COLEC12: variants seen among roughly 807,000 people sequenced by gnomAD.
COLEC12 encodes collectin-12.
Under a neutral mutation model 71.1 loss-of-function variants are expected in COLEC12, and 33 were observed. The ratio of observed to expected loss-of-function variants is 0.46; its 90% CI spans 0.35 to 0.62. The LOEUF (loss-of-function observed/expected upper bound fraction) is 0.62. Among genes scored for constraint, COLEC12 ranks in the 20% least tolerant of loss-of-function variants. COLEC12 has a pLI of 0.00. For synonymous variants in COLEC12, 350 were observed against 353.0 expected, an observed-to-expected ratio of 0.99 and a Z score of 0.10; for missense variants, 765 against 916.1, an observed-to-expected ratio of 0.84 and a Z score of 2.13.
chr18:417,389 G>C (rs747720645), intron 2 of COLEC12, among the ~76,000 whole-genome samples: 1 of 152,212 alleles, frequency 6.6e-6, no homozygotes, highest in Non-Finnish European at 1.5e-5. Context: ...CACATATGCA[G>C]TCTGTCATTG....
chr18:380,131 G>C (rs940419170), intron 2 of COLEC12, among the ~76,000 whole-genome samples: 1 of 152,118 alleles, frequency 6.6e-6, no homozygotes, highest in Non-Finnish European at 1.5e-5. Context: ...CCTTTGCCTA[G>C]AGTATAAAAC....
In COLEC12 at chr18:319,086, C is replaced by T. The variant is rs1421424895; in HGVS notation, c.*959G>A. ...ATTCAGTGCCCTTCCCAACAGATGCCTCTCCATCCCCCACACCTCCCGACT... is the reference window on the plus strand; with the variant it reads ...ATTCAGTGCCCTTCCCAACAGATGCTTCTCCATCCCCCACACCTCCCGACT... On this transcript the variant is annotated 3_prime_UTR_variant, in exon 10 of 10. Coordinates refer to ENST00000400256, the MANE Select transcript of COLEC12 (RefSeq NM_130386.3). 1 of 151,956 alleles carries T rather than the reference C, an allele frequency of 6.6e-6. No homozygotes were observed. The highest frequency in any genetic ancestry group is 1.5e-5 in the Non-Finnish European group (1 of 68,042). 9.4% of individuals were successfully genotyped at this position (151,956 alleles called of 1,614,324 possible). A position where few individuals can be genotyped will look rare whatever the true frequency, so the allele number is the denominator to read the frequency against.
At chr18:367,943 A>G (rs980796842) in intron 2 of COLEC12, among the ~76,000 whole-genome samples, 16 of 152,170 alleles carry the variant, frequency 1.1e-4, no homozygotes, top group Non-Finnish European at 2.4e-4. Flanking sequence ...AAACAAAACA[A>G]AACAAAACTA....
intron 3 of COLEC12, among the ~76,000 whole-genome samples, chr18:355,349 A>G (rs1166487661): frequency 6.6e-6 from 1 of 152,092 alleles, no homozygotes; most frequent in African/African-American, 2.4e-5. Context: ...TACATGAGAC[A>G]TGAAGGGTGG....
At chr18:426,502 A>G (rs1192468694) in intron 2 of COLEC12, among the ~76,000 whole-genome samples, 1 of 152,196 alleles carries the variant, frequency 6.6e-6, no homozygotes, top group Non-Finnish European at 1.5e-5. Flanking sequence ...TTTCTATGGA[A>G]GAAGCCAGTT....
chr18:490,703 A>G (rs1452263924), intron 1 of COLEC12, among the ~76,000 whole-genome samples: 1 of 152,238 alleles, frequency 6.6e-6, no homozygotes, highest in Non-Finnish European at 1.5e-5. Context: ...AAATGCCCCC[A>G]AAGAGCCAGA....
chr18:334,694 C>G, intron 6 of COLEC12, 48 bp downstream of exon 6: 1 of 1,433,308 alleles, frequency 7.0e-7, no homozygotes, highest in East Asian at 2.7e-5. Context: ...CAGTCTCAAG[C>G]ACATGCACTG....
chr18:432,959 T>C (rs1015541031), intron 2 of COLEC12, among the ~76,000 whole-genome samples: 2 of 152,228 alleles, frequency 1.3e-5, no homozygotes, highest in African/African-American at 4.8e-5. Context: ...TTTTGGAGTA[T>C]TGTGCCCGTT....
At position 453,721 on chromosome 18, in the gene COLEC12, T is replaced by C. The variant is rs745391246; in HGVS notation, c.58+26986A>G. 3.3e-5 allele frequency among the ~76,000 whole-genome samples: 5 copies of C among 152,230 alleles called. No individual in the cohort carries two copies. The East Asian group carries it at 7.7e-4, about 23-fold the overall frequency. ...ACTTCTCGACTCAGATCCAGACTCA[T>C]GCAATTACGCTCCACTGAATGTATA... On this transcript the variant is annotated intron_variant, in intron 2 of 9. Transcript: ENST00000400256.
chr18:470,750 G>A (rs906377400), intron 2 of COLEC12, among the ~76,000 whole-genome samples: 1 of 152,156 alleles, frequency 6.6e-6, no homozygotes, highest in Non-Finnish European at 1.5e-5. Flanking sequence ...GTAAGACCTT[G>A]TCTCTAAAAC....
intron 1 of COLEC12, among the ~76,000 whole-genome samples, chr18:496,597 G>C (rs967902972): frequency 5.9e-5 from 9 of 152,148 alleles, no homozygotes; most frequent in African/African-American, 2.2e-4. Flanking sequence ...CACTGAAAAA[G>C]CAAAAAGACT....
At chr18:438,802 C>A (rs868518081) in intron 2 of COLEC12, among the ~76,000 whole-genome samples, 52 of 132,664 alleles carry the variant, frequency 3.9e-4, no homozygotes, top group Middle Eastern at 3.9e-3. Flanking sequence ...GACCTTGTCT[C>A]AAAAAAAAAA....
chr18:340,017 G>A (rs1914208738), intron 5 of COLEC12, among the ~76,000 whole-genome samples: 2 of 130,008 alleles, frequency 1.5e-5, no homozygotes, highest in South Asian at 5.4e-4. Flanking sequence ...CAGCTGTCAA[G>A]GTGAAAATAA....
chr18:425,765 TACTGAGTTAAAGACATCTC>T (rs1567904440), intron 2 of COLEC12, among the ~76,000 whole-genome samples: 1 of 152,186 alleles, frequency 6.6e-6, no homozygotes, highest in African/African-American at 2.4e-5. Flanking sequence ...AAATAACTGT[TACTGAGTTAAAGACATCTC>T]TATGTGATTT....
chr18:500,190 GC>G lies in COLEC12; in HGVS notation c.7+317del, dbSNP rs1274106989. Among the ~76,000 whole-genome samples the G allele has an allele frequency of 1.3e-5, 2 of 152,218 alleles. No individual in the cohort carries two copies. Among genetic ancestry groups the G allele is most frequent in the African/African-American group, 4.8e-5 (2 of 41,458 alleles). On this transcript the variant is annotated intron_variant, in intron 1 of 9. Coordinates refer to ENST00000400256, the MANE Select transcript of COLEC12 (RefSeq NM_130386.3). This position sits in a 1 kb window ranked among gnomAD's most constrained non-coding sequence, Gnocchi z 5.3. ...GATGGCGATGCCTCCACTCTCCTCGGCAGGTTTTTTCAATTAAAAAGTTGGA... is the reference window on the plus strand; with the variant it reads ...GATGGCGATGCCTCCACTCTCCTCGGAGGTTTTTTCAATTAAAAAGTTGGA...
At chr18:354,203 G>A (rs746798804) in intron 3 of COLEC12, among the ~76,000 whole-genome samples, 8 of 152,192 alleles carry the variant, frequency 5.3e-5, no homozygotes, top group Non-Finnish European at 4.4e-5. Flanking sequence ...TAAAAAGCCC[G>A]GGGCAGAGGA....
rs770805878 is a variant in COLEC12, at chr18:346,979, G to C, written c.643C>G (p.Gln215Glu). The change falls in exon 5 of 10, where the codon CAG becomes GAG. Residue 215 changes from glutamine (Q) to glutamate (E), a missense_variant. By Grantham distance (29) the Gln-to-Glu change is conservative. Transcript: ENST00000400256. The surrounding 1 kb of genome is among the most constrained non-coding windows in gnomAD (Gnocchi z 4.0). Reference protein sequence around the residue: ...NLNNLNLTQVQQRNLITNLQR... With the variant: ...NLNNLNLTQVEQRNLITNLQR... ...AGATTCGTGATGAGGTTCCTCTGCT[G>C]CACCTGGGTCAGGTTCAGGTTGTTG... is the stretch of plus-strand genomic sequence containing the variant. The C allele has an allele frequency of 9.2e-5, 149 of 1,614,050 alleles. No homozygotes were observed. Among genetic ancestry groups the C allele is most frequent in the Non-Finnish European group, 1.2e-4 (146 of 1,180,034 alleles).
At chr18:381,504 T>C (rs1868770721) in intron 2 of COLEC12, among the ~76,000 whole-genome samples, 1 of 152,120 alleles carries the variant, frequency 6.6e-6, no homozygotes, top group African/African-American at 2.4e-5. Flanking sequence ...GAAATGCCAA[T>C]GAAAACAAAA....
chr18:444,288 TAAAA>T (rs1175780095), intron 2 of COLEC12, among the ~76,000 whole-genome samples: 7 of 152,216 alleles, frequency 4.6e-5, no homozygotes, highest in Non-Finnish European at 1.0e-4. Flanking sequence ...CTTTTTCAGA[TAAAA>T]AATAGACAAA....
Sources: allele counts gnomAD v4.1 joint callset (sites outside exome capture counted in the v4.1 genomes callset), GRCh38; gene constraint gnomAD v4.1.1; non-coding constraint Gnocchi (gnomAD v3.1); transcripts MANE v1.5; gene names NCBI Gene and HGNC (gene_info 2026-07-23, HGNC 2026-07-21).